OPCML: variants seen among roughly 807,000 people sequenced by gnomAD.
OPCML encodes the protein opioid binding protein/cell adhesion molecule like.
A neutral mutation model predicts 37.8 loss-of-function variants in OPCML; 13 were observed. The observed-to-expected ratio is 0.34, with a 90% confidence interval of 0.22 to 0.55. OPCML has a LOEUF of 0.55. Among genes scored for constraint, OPCML ranks in the 20% least tolerant of loss-of-function variants. The probability of loss-of-function intolerance (pLI) is 0.91; values close to 1 mark genes in which losing one functional copy is unlikely to be tolerated. For missense variants in OPCML, 341 were observed against 435.6 expected (o/e 0.78, Z 1.93); for synonymous variants, 176 against 168.8 (o/e 1.04, Z -0.33).
intron 2 of OPCML, among the ~76,000 whole-genome samples, chr11:132,942,582 G>T (rs1276014541): frequency 1.4e-5 from 2 of 145,512 alleles, no homozygotes; most frequent in Non-Finnish European, 3.0e-5. Flanking sequence ...CATCCAAGGG[G>T]CTCAGGCTAG....
chr11:132,835,609 C>A (rs1351431535), intron 2 of OPCML, among the ~76,000 whole-genome samples: 3 of 152,174 alleles, frequency 2.0e-5, no homozygotes, highest in Non-Finnish European at 4.4e-5. Context: ...TCTCTACCCC[C>A]AACTTACAAT....
At chr11:133,420,994 G>T in intron 1 of OPCML, 1 of 985,310 alleles carries the variant, frequency 1.0e-6, no homozygotes, top group Non-Finnish European at 1.2e-6. Context: ...AAAGCTGCAG[G>T]AGCCTAGAAT....
At chr11:133,438,536 G>A (rs962072565) in intron 1 of OPCML, among the ~76,000 whole-genome samples, 1 of 152,108 alleles carries the variant, frequency 6.6e-6, no homozygotes, top group Non-Finnish European at 1.5e-5. Flanking sequence ...AAGAAACAGA[G>A]GGAATAACAA....
chr11:133,059,267 T>C (rs543231332), intron 1 of OPCML, among the ~76,000 whole-genome samples: 83 of 152,348 alleles, frequency 5.4e-4, no homozygotes, highest in African/African-American at 1.9e-3. Flanking sequence ...AGAGCCTTTG[T>C]ACTCAAAGGA....
At chr11:132,609,474 C>T (rs1394109569) in intron 3 of OPCML, among the ~76,000 whole-genome samples, 1 of 152,070 alleles carries the variant, frequency 6.6e-6, no homozygotes, top group Non-Finnish European at 1.5e-5. Flanking sequence ...CCCTCATGCT[C>T]TGCTTGGAAA....
intron 1 of OPCML, among the ~76,000 whole-genome samples, chr11:133,291,103 C>A (rs1329862717): frequency 6.6e-6 from 1 of 152,230 alleles, no homozygotes; most frequent in Non-Finnish European, 1.5e-5. Flanking sequence ...TTATTCGTGC[C>A]ACGCACAGCT....
intron 1 of OPCML, among the ~76,000 whole-genome samples, chr11:133,192,722 C>T (rs1375469041): frequency 2.0e-5 from 3 of 152,188 alleles, no homozygotes; most frequent in African/African-American, 7.2e-5. Context: ...TTCCTCCCTC[C>T]TGTTCAGGAC....
At position 132,823,596 on chromosome 11, in the gene OPCML, C is replaced by T. The variant is rs150494418; in HGVS notation, c.146+119330G>A. ...GTGCCTCACTTATAAATAAAACAAA[C>T]AAACAAACAAACAAACAAAAGCACT... On this transcript the variant is annotated intron_variant, in intron 2 of 7. Transcript: ENST00000524381. Among the ~76,000 whole-genome samples, 869 of 152,124 alleles carry T rather than the reference C, an allele frequency of 5.7e-3. 22 individuals carry two copies. The highest frequency in any genetic ancestry group is 0.037 in the Admixed American group (572 of 15,272).
chr11:133,112,673 G>A (rs1278913716), intron 1 of OPCML, among the ~76,000 whole-genome samples: 4 of 152,146 alleles, frequency 2.6e-5, no homozygotes, highest in Non-Finnish European at 5.9e-5. Context: ...AATGTCCCAG[G>A]TTCACCAGTC....
At chr11:133,060,868 T>C (rs1188105526) in intron 1 of OPCML, among the ~76,000 whole-genome samples, 1 of 152,216 alleles carries the variant, frequency 6.6e-6, no homozygotes, top group Non-Finnish European at 1.5e-5. Flanking sequence ...AGTGGGCCCA[T>C]TGCCTCCAGG....
intron 1 of OPCML, among the ~76,000 whole-genome samples, chr11:133,050,721 T>A (rs775493666): frequency 9.8e-4 from 4 of 4,082 alleles, no homozygotes; most frequent in Non-Finnish European, 2.6e-3. Context: ...TTCTTCTTCC[T>A]TTTTTTTTTT....
At chr11:132,816,441 A>T (rs1203694688) in intron 2 of OPCML, among the ~76,000 whole-genome samples, 1 of 152,216 alleles carries the variant, frequency 6.6e-6, no homozygotes, top group Admixed American at 6.5e-5. Context: ...ATATGATTTT[A>T]TGCATTATGA....
chr11:132,800,554 AT>A (rs980714860), intron 2 of OPCML, among the ~76,000 whole-genome samples: 1 of 152,156 alleles, frequency 6.6e-6, no homozygotes, highest in Non-Finnish European at 1.5e-5. Flanking sequence ...GATTTTTTAC[AT>A]ATTCCCTTTA....
chr11:132,438,137 T>A (rs2136752142), intron 4 of OPCML, among the ~76,000 whole-genome samples: 1 of 152,330 alleles, frequency 6.6e-6, no homozygotes, highest in Non-Finnish European at 1.5e-5. Context: ...GGCTGCAAAA[T>A]TTGTATTGCT....
At chr11:132,780,534 T>C (rs1164992561) in intron 2 of OPCML, among the ~76,000 whole-genome samples, 1 of 152,216 alleles carries the variant, frequency 6.6e-6, no homozygotes, top group Non-Finnish European at 1.5e-5. Context: ...TGAAAGCAGA[T>C]GGCAGGAAAG....
chr11:133,066,505 G>C (rs1948442615), intron 1 of OPCML: 3 of 152,164 alleles, frequency 2.0e-5, no homozygotes. Context: ...TATTATGCCA[G>C]GCGAAATCCA....
At chr11:132,823,587 T>A (rs1033211014) in intron 2 of OPCML, among the ~76,000 whole-genome samples, 4 of 151,942 alleles carry the variant, frequency 2.6e-5, no homozygotes, top group Non-Finnish European at 5.9e-5. Flanking sequence ...CACTTATAAA[T>A]AAAACAAACA....
intron 1 of OPCML, among the ~76,000 whole-genome samples, chr11:133,374,033 G>A (rs541527602): frequency 1.4e-4 from 21 of 151,500 alleles, no homozygotes; most frequent in Admixed American, 5.9e-4. Flanking sequence ...TGAAAAAAAT[G>A]TCTATTAAAA....
intron 1 of OPCML, among the ~76,000 whole-genome samples, chr11:133,351,827 A>C (rs11223443): frequency 0.7 from 106,994 of 151,974 alleles, 37,771 homozygotes; most frequent in East Asian, 0.91. Context: ...CCCCCACACA[A>C]ACAACTTTCA....
Sources: allele counts gnomAD v4.1 joint callset (sites outside exome capture counted in the v4.1 genomes callset), GRCh38; gene constraint gnomAD v4.1.1; transcripts MANE v1.5; gene names NCBI Gene and HGNC (gene_info 2026-07-23, HGNC 2026-07-21).